The following TMEM116 variants were observed in gnomAD, a reference collection of about 807,000 sequenced individuals.
TMEM116 encodes the protein transmembrane protein 116.
A neutral mutation model predicts 44.3 loss-of-function variants in TMEM116; 38 were observed. The observed-to-expected ratio is 0.86, with a 90% CI of 0.66 to 1.12. The LOEUF is 1.12. Ranked by LOEUF, TMEM116 falls within the 50% of genes most tolerant of loss-of-function variation. TMEM116 has a pLI of 0.00. For synonymous variants in TMEM116, 132 were observed against 144.8 expected, an observed-to-expected ratio of 0.91 and a Z score of 0.64; for missense variants, 354 against 401.7, an observed-to-expected ratio of 0.88 and a Z score of 1.01.
In TMEM116 at chr12:112,012,988, A is replaced by T. The variant is rs2077923708; in HGVS notation, c.-34+14T>A. On this transcript the variant is annotated intron_variant, in intron 1 of 10. Coordinates refer to ENST00000552374, the MANE Select transcript of TMEM116 (RefSeq NM_001193531.2). ...TGACTGAGAATAACGGCTGAACTTG[A>T]CTAATAGACTGACCGAGGGTTGGAG... is the stretch of plus-strand genomic sequence containing the variant. 1 of 156,628 alleles carries T rather than the reference A, an allele frequency of 6.4e-6. No individual in the cohort carries two copies. The highest frequency in any genetic ancestry group is 1.4e-5 in the Non-Finnish European group (1 of 69,256). The allele number at this position is 156,628 out of a possible 1,614,324, so 9.7% of individuals were successfully genotyped here.
At chr12:112,007,152 C>T (rs527804404) in intron 1 of TMEM116, among the ~76,000 whole-genome samples, 5 of 152,342 alleles carry the variant, frequency 3.3e-5, no homozygotes, top group African/African-American at 1.2e-4. Context: ...TGCTGGCCCA[C>T]GCCTGTAATC....
intron 4 of TMEM116, among the ~76,000 whole-genome samples, chr12:111,964,668 G>T (rs892952211): frequency 6.6e-6 from 1 of 152,096 alleles, no homozygotes; most frequent in African/African-American, 2.4e-5. Flanking sequence ...TGTGGCAACA[G>T]TTTACAATAA....
chr12:111,936,856 G>A (rs764315421), intron 7 of TMEM116, 26 bp from the exon 8 acceptor site: 6 of 1,565,332 alleles, frequency 3.8e-6, no homozygotes, highest in Non-Finnish European at 4.3e-6. Flanking sequence ...ATAAACAGGA[G>A]TACTACTACA....
chr12:112,011,224 G>C (rs999796835), intron 1 of TMEM116: 1 of 152,274 alleles, frequency 6.6e-6, no homozygotes, highest in Admixed American at 6.5e-5. Flanking sequence ...GAAGGGGCGG[G>C]GCTCCCACAG....
intron 1 of TMEM116, chr12:112,010,700 C>T (rs915410385): frequency 6.6e-6 from 1 of 152,352 alleles, no homozygotes; most frequent in Non-Finnish European, 1.5e-5. Flanking sequence ...GCTGTTCCAT[C>T]ATCTCCAACT....
chr12:111,964,645 C>T (rs2074861503), intron 4 of TMEM116, among the ~76,000 whole-genome samples: 1 of 152,112 alleles, frequency 6.6e-6, no homozygotes, highest in Non-Finnish European at 1.5e-5. Flanking sequence ...TAACTGCTAA[C>T]CGTATTCCAA....
intron 3 of TMEM116, among the ~76,000 whole-genome samples, chr12:111,992,326 G>A (rs1373199768): frequency 6.6e-6 from 1 of 150,978 alleles, no homozygotes; most frequent in African/African-American, 2.4e-5. Context: ...CTAGAGTGCA[G>A]TGGCACGATC....
intron 3 of TMEM116, chr12:111,993,701 T>G (rs370822448): frequency 1.5e-4 from 96 of 623,220 alleles, no homozygotes; most frequent in South Asian, 1.4e-3. Flanking sequence ...TAAGGTACTG[T>G]TGAAGCATTG....
At chr12:111,990,269 AG>A (rs36091984) in intron 4 of TMEM116, among the ~76,000 whole-genome samples, 38,682 of 149,302 alleles carry the variant, frequency 0.26, 6,460 homozygotes, top group East Asian at 0.84. Context: ...AAAAAAAAAA[AG>A]GTAACATTAA....
At chr12:111,940,730 A>AT (rs1341316575) in intron 5 of TMEM116, among the ~76,000 whole-genome samples, 5 of 151,868 alleles carry the variant, frequency 3.3e-5, no homozygotes, top group Admixed American at 6.6e-5. Flanking sequence ...TCTTTCAAAT[A>AT]TTTTTTTGTT....
intron 3 of TMEM116, chr12:111,993,042 C>A: frequency 5.7e-6 from 1 of 175,502 alleles, no homozygotes; most frequent in Non-Finnish European, 1.2e-5. Flanking sequence ...CAATGTGCCA[C>A]ACCTGCAGCT....
rs2071638749 is a variant in TMEM116, at chr12:111,931,554, C to T, written c.*67G>A. 2.0e-6 allele frequency: 3 copies of T among 1,486,050 alleles called. No individual in the cohort carries two copies. The highest frequency in any genetic ancestry group is 2.8e-5 in the African/African-American group (2 of 72,290). The allele number at this position is 1,486,050 out of a possible 1,614,324, so 92.1% of individuals were successfully genotyped here. On this transcript the variant is annotated 3_prime_UTR_variant, in exon 11 of 11. Transcript: ENST00000552374. Reference sequence around the variant, plus strand: ...TTAGAAAAGATTTAAGATGTCCTTTCCCAACATTCTTTCCAATCCATTAGC... The same window carrying T: ...TTAGAAAAGATTTAAGATGTCCTTTTCCAACATTCTTTCCAATCCATTAGC...
At chr12:111,959,318 A>G (rs1002573084) in intron 4 of TMEM116, among the ~76,000 whole-genome samples, 2 of 152,252 alleles carry the variant, frequency 1.3e-5, no homozygotes, top group Non-Finnish European at 2.9e-5. Flanking sequence ...TGTCACCACC[A>G]GGCCTGCCTT....
intron 4 of TMEM116, among the ~76,000 whole-genome samples, chr12:111,950,276 G>T (rs1393515443): frequency 6.6e-6 from 1 of 152,078 alleles, no homozygotes; most frequent in Non-Finnish European, 1.5e-5. Context: ...TACAAACCAA[G>T]ATGAGAAATT....
chr12:111,940,472 T>TACACACACACACACAC (rs763389000), intron 5 of TMEM116, among the ~76,000 whole-genome samples: 21 of 97,574 alleles, frequency 2.2e-4, no homozygotes, highest in African/African-American at 7.9e-4. Flanking sequence ...CACATATATA[T>TACACACACACACACAC]ATATACATAC....
At chr12:111,941,374 C>T (rs1351984850) in intron 5 of TMEM116, among the ~76,000 whole-genome samples, 5 of 60,386 alleles carry the variant, frequency 8.3e-5, no homozygotes, top group Non-Finnish European at 1.4e-4. Flanking sequence ...GATTCCATCT[C>T]AAAAAAAAAA....
intron 4 of TMEM116, among the ~76,000 whole-genome samples, chr12:111,991,213 G>A (rs1468287527): frequency 5.5e-5 from 5 of 91,374 alleles, no homozygotes; most frequent in African/African-American, 1.9e-4. Flanking sequence ...GCGAGACTCT[G>A]TCTCAAAAAA....
intron 4 of TMEM116, among the ~76,000 whole-genome samples, chr12:111,958,178 T>C (rs1436009552): frequency 6.7e-6 from 1 of 149,730 alleles, no homozygotes. Flanking sequence ...CCAGAGACCT[T>C]TGTTCACAAG....
chr12:112,007,646 A>G (rs2136748243), intron 1 of TMEM116, among the ~76,000 whole-genome samples: 1 of 152,332 alleles, frequency 6.6e-6, no homozygotes, highest in East Asian at 1.9e-4. Context: ...CTTACCTAAT[A>G]AAGGTGAGGA....
Sources: gnomAD v4.1 joint callset for allele counts (sites outside exome capture counted in the v4.1 genomes callset) on GRCh38, gnomAD v4.1.1 for gene constraint, MANE v1.5 for transcripts, NCBI Gene and HGNC (gene_info 2026-07-23, HGNC 2026-07-21) for gene names.